The following NTM variants were observed in gnomAD, a reference collection of about 807,000 sequenced individuals.
The protein encoded by NTM is IgLON family member 2.
NTM carries 13 observed loss-of-function variants against 42.1 expected under a neutral mutation model. That is an observed-to-expected ratio of 0.31 (90% confidence interval 0.20 to 0.49). The LOEUF (loss-of-function observed/expected upper bound fraction) is 0.49, where lower values mean the gene tolerates loss of function less well. Ranked by LOEUF, NTM falls within the 20% of genes least tolerant of loss-of-function variation. The pLI is 0.99. For missense variants in NTM, 373 were observed against 452.8 expected (o/e 0.82, Z 1.60); for synonymous variants, 187 against 179.2 (o/e 1.04, Z -0.35).
At chr11:131,667,772 C>A (rs1367785544) in intron 1 of NTM, among the ~76,000 whole-genome samples, 3 of 152,186 alleles carry the variant, frequency 2.0e-5, no homozygotes, top group Non-Finnish European at 4.4e-5. Flanking sequence ...ACTTTTAAAC[C>A]CATGGACGCC....
At chr11:132,330,861 C>G (rs1165247339) in intron 8 of NTM, among the ~76,000 whole-genome samples, 1 of 152,220 alleles carries the variant, frequency 6.6e-6, no homozygotes, top group Non-Finnish European at 1.5e-5. Context: ...GAGGCCTCAT[C>G]TGCGTGGCCC....
At chr11:132,303,350 T>C (rs2094936954) in intron 4 of NTM, among the ~76,000 whole-genome samples, 2 of 152,202 alleles carry the variant, frequency 1.3e-5, no homozygotes, top group African/African-American at 4.8e-5. Context: ...GCTTCTGGTA[T>C]GCACCAGCAA....
intron 1 of NTM, chr11:131,660,531 C>T (rs2067873450): frequency 2.2e-6 from 1 of 457,642 alleles, no homozygotes; most frequent in Non-Finnish European, 4.4e-6. Context: ...CCCTGGGTCC[C>T]ATCTCTGTGG....
intron 4 of NTM, among the ~76,000 whole-genome samples, chr11:132,295,787 A>C (rs1042644220): frequency 6.6e-6 from 1 of 152,222 alleles, no homozygotes; most frequent in Non-Finnish European, 1.5e-5. Context: ...CCACGGAGCA[A>C]TGTGGAGCAG....
chr11:131,807,405 G>C (rs2092555120), intron 1 of NTM, among the ~76,000 whole-genome samples: 2 of 152,176 alleles, frequency 1.3e-5, no homozygotes, highest in Non-Finnish European at 2.9e-5. Flanking sequence ...TCTCCAAATA[G>C]GAAAGTAGTG....
At chr11:131,648,301 A>G (rs2066026371) in intron 1 of NTM, among the ~76,000 whole-genome samples, 1 of 152,128 alleles carries the variant, frequency 6.6e-6, no homozygotes, top group African/African-American at 2.4e-5. Flanking sequence ...TGGAGTGAAC[A>G]TGCATGTGAA....
chr11:131,668,897 A>G (rs1396335356), intron 1 of NTM, among the ~76,000 whole-genome samples: 1 of 152,216 alleles, frequency 6.6e-6, no homozygotes, highest in Non-Finnish European at 1.5e-5. Context: ...GGCATTTCAA[A>G]CAACAATAAC....
At chr11:131,675,590 G>A (rs1249589282) in intron 1 of NTM, among the ~76,000 whole-genome samples, 1 of 152,196 alleles carries the variant, frequency 6.6e-6, no homozygotes, top group East Asian at 1.9e-4. Context: ...GGCCGAGGGA[G>A]GCTGAGCGGC....
intron 1 of NTM, among the ~76,000 whole-genome samples, chr11:131,674,135 C>T (rs1232228413): frequency 2.0e-5 from 3 of 152,240 alleles, no homozygotes; most frequent in African/African-American, 7.2e-5. Flanking sequence ...GCACGGGGTG[C>T]GGGCGCCCTC....
intron 2 of NTM, among the ~76,000 whole-genome samples, chr11:131,930,892 A>G (rs1246387484): frequency 1.3e-5 from 2 of 152,344 alleles, no homozygotes; most frequent in Middle Eastern, 3.4e-3. Flanking sequence ...GCTCTAACTC[A>G]GTCATTTCAG....
chr11:132,130,923 C>T (rs1360778897), intron 2 of NTM, among the ~76,000 whole-genome samples: 1 of 152,202 alleles, frequency 6.6e-6, no homozygotes, highest in East Asian at 1.9e-4. Context: ...CACGATCACA[C>T]ATTTCATAGC....
intron 1 of NTM, among the ~76,000 whole-genome samples, chr11:131,636,507 G>T (rs548055675): frequency 1.3e-5 from 2 of 152,306 alleles, no homozygotes; most frequent in East Asian, 3.9e-4. Context: ...TTCGGGAGCT[G>T]TGGACACGGA....
chr11:132,070,517 C>T (rs1416102415), intron 2 of NTM, among the ~76,000 whole-genome samples: 1 of 122,588 alleles, frequency 8.2e-6, no homozygotes, highest in Non-Finnish European at 1.8e-5. Context: ...TAACACGTCA[C>T]ACAGCCAAGT....
chr11:131,879,005 G>A lies in NTM; in HGVS notation c.83-32559G>A, dbSNP rs76737235. 6.1e-4 allele frequency among the ~76,000 whole-genome samples: 92 copies of A among 152,034 alleles called. No homozygotes were observed. In the East Asian group the frequency reaches 0.016, roughly 26 times the overall value. On this transcript the variant is annotated intron_variant, in intron 1 of 8. Transcript: ENST00000683400. The stretch of plus-strand genomic sequence containing the variant: ...GATGTCAATACCACCTCCAATCCAC[G>A]GAACTCACTCAGCTTTTGTCATCCA...
chr11:131,891,353 G>T (rs190121888), intron 1 of NTM, among the ~76,000 whole-genome samples: 2 of 152,288 alleles, frequency 1.3e-5, no homozygotes, highest in Admixed American at 1.3e-4. Flanking sequence ...AGTGTTGATT[G>T]ACAGAGATCG....
intron 2 of NTM, among the ~76,000 whole-genome samples, chr11:132,080,841 G>A (rs1448893436): frequency 6.6e-6 from 1 of 152,188 alleles, no homozygotes; most frequent in African/African-American, 2.4e-5. Context: ...AGATCTAATA[G>A]TTGGGTAGCT....
intron 1 of NTM, among the ~76,000 whole-genome samples, chr11:131,733,198 A>G (rs1016213969): frequency 6.6e-6 from 1 of 152,140 alleles, no homozygotes; most frequent in African/African-American, 2.4e-5. Context: ...TAATGAAAAA[A>G]TTATTTCATG....
intron 1 of NTM, among the ~76,000 whole-genome samples, chr11:131,745,083 C>G (rs116370945): frequency 3.3e-5 from 5 of 152,210 alleles, no homozygotes; most frequent in Non-Finnish European, 5.9e-5. Flanking sequence ...CACACAGAGG[C>G]CTGGACTTCC....
intron 7 of NTM, among the ~76,000 whole-genome samples, chr11:132,319,724 C>T (rs1441219776): frequency 6.6e-6 from 1 of 152,256 alleles, no homozygotes; most frequent in African/African-American, 2.4e-5. Flanking sequence ...ACAGCAGTAA[C>T]CTCTGCAGAC....
Sources: allele counts gnomAD v4.1 joint callset (sites outside exome capture counted in the v4.1 genomes callset), GRCh38; gene constraint gnomAD v4.1.1; transcripts MANE v1.5; gene names NCBI Gene and HGNC (gene_info 2026-07-23, HGNC 2026-07-21).